UQCC1: variants seen among roughly 807,000 people sequenced by gnomAD.
UQCC1 encodes the protein bFGF-repressed Zic-binding protein.
Under a neutral mutation model 48.0 loss-of-function variants are expected in UQCC1, and 38 were observed. The observed-to-expected ratio is 0.79, with a 90% CI of 0.61 to 1.04. The LOEUF is 1.04. Ranked by LOEUF, UQCC1 falls within the 50% of genes least tolerant of loss-of-function variation. The probability of loss-of-function intolerance (pLI) is 0.00; values close to 1 mark genes in which losing one functional copy is unlikely to be tolerated. For synonymous variants in UQCC1, 111 were observed against 129.2 expected, an observed-to-expected ratio of 0.86 and a Z score of 0.95; for missense variants, 368 against 381.8, an observed-to-expected ratio of 0.96 and a Z score of 0.30.
intron 1 of UQCC1, among the ~76,000 whole-genome samples, chr20:35,403,313 A>C (rs1258403080): frequency 6.6e-6 from 1 of 152,208 alleles, no homozygotes; most frequent in African/African-American, 2.4e-5. Flanking sequence ...TAATATATAA[A>C]GAAAAAGATA....
chr20:35,402,570 T>G (rs1300263716), intron 1 of UQCC1, among the ~76,000 whole-genome samples: 1 of 139,634 alleles, frequency 7.2e-6, no homozygotes, highest in Non-Finnish European at 1.5e-5. Flanking sequence ...AGAGCGAGAC[T>G]CCATCTCAAA....
intron 7 of UQCC1, among the ~76,000 whole-genome samples, chr20:35,323,980 C>T (rs1467784066): frequency 6.6e-6 from 1 of 152,206 alleles, no homozygotes; most frequent in African/African-American, 2.4e-5. Flanking sequence ...CTTGGCAGGG[C>T]ACAGTGGCTC....
intron 4 of UQCC1, among the ~76,000 whole-genome samples, chr20:35,381,226 C>T (rs1271695668): frequency 1.3e-5 from 2 of 152,018 alleles, no homozygotes; most frequent in African/African-American, 4.8e-5. Flanking sequence ...TACAATAGAT[C>T]GTGGGCTTAA....
At chr20:35,321,142 C>T (rs1315458665) in intron 7 of UQCC1, among the ~76,000 whole-genome samples, 4 of 152,070 alleles carry the variant, frequency 2.6e-5, no homozygotes, top group Non-Finnish European at 4.4e-5. Context: ...ACAAGAGAGA[C>T]GGGGGACATG....
At chr20:35,337,586 C>A (rs1032062638) in intron 7 of UQCC1, among the ~76,000 whole-genome samples, 1 of 152,184 alleles carries the variant, frequency 6.6e-6, no homozygotes, top group African/African-American at 2.4e-5. Flanking sequence ...GGGTTCCTTT[C>A]CAGTTTAAAC....
At chr20:35,338,587 C>T (rs1432862956) in intron 7 of UQCC1, among the ~76,000 whole-genome samples, 1 of 151,794 alleles carries the variant, frequency 6.6e-6, no homozygotes, top group Non-Finnish European at 1.5e-5. Flanking sequence ...GGGCTCATGC[C>T]TGTAATCCCA....
intron 6 of UQCC1, among the ~76,000 whole-genome samples, chr20:35,349,253 G>C (rs1179555991): frequency 6.6e-6 from 1 of 152,218 alleles, no homozygotes; most frequent in Non-Finnish European, 1.5e-5. Context: ...TGTGCCAGAT[G>C]ATCCAACCAT....
chr20:35,355,178 T>C (rs1031087889), intron 6 of UQCC1, among the ~76,000 whole-genome samples: 5 of 152,128 alleles, frequency 3.3e-5, no homozygotes, highest in Non-Finnish European at 5.9e-5. Flanking sequence ...AATTGTTATT[T>C]TTCTCCTCAT....
chr20:35,359,555 C>T (rs2061583351), intron 6 of UQCC1, among the ~76,000 whole-genome samples: 1 of 152,176 alleles, frequency 6.6e-6, no homozygotes, highest in Non-Finnish European at 1.5e-5. Context: ...CATCCTGTCT[C>T]GCTCACTCTG....
At chr20:35,311,282 T>C (rs2060990870) in intron 8 of UQCC1, among the ~76,000 whole-genome samples, 1 of 152,300 alleles carries the variant, frequency 6.6e-6, no homozygotes, top group Non-Finnish European at 1.5e-5. Context: ...TTGGACCTAA[T>C]GTCACAGAAA....
At chr20:35,365,778 A>G (rs1451283394) in intron 6 of UQCC1, among the ~76,000 whole-genome samples, 1 of 152,192 alleles carries the variant, frequency 6.6e-6, no homozygotes, top group Non-Finnish European at 1.5e-5. Context: ...AAAAGTATAT[A>G]GTAGTCAGTT....
intron 6 of UQCC1, among the ~76,000 whole-genome samples, chr20:35,362,736 T>A (rs2061620485): frequency 6.6e-6 from 1 of 151,856 alleles, no homozygotes; most frequent in African/African-American, 2.4e-5. Context: ...GTGTGTCTGT[T>A]TGTGTACTGA....
At chr20:35,390,939 T>C (rs917276994) in intron 2 of UQCC1, among the ~76,000 whole-genome samples, 5 of 152,178 alleles carry the variant, frequency 3.3e-5, no homozygotes, top group African/African-American at 9.7e-5. Flanking sequence ...CTCACACCTA[T>C]AATCCCAGCA....
intron 6 of UQCC1, among the ~76,000 whole-genome samples, chr20:35,356,203 C>T (rs916323543): frequency 3.9e-5 from 6 of 152,138 alleles, no homozygotes; most frequent in Non-Finnish European, 8.8e-5. Context: ...TACTATTATT[C>T]TCAGACATTA....
intron 6 of UQCC1, among the ~76,000 whole-genome samples, chr20:35,348,363 T>C (rs1471943957): frequency 2.1e-5 from 3 of 140,104 alleles, no homozygotes; most frequent in Non-Finnish European, 3.1e-5. Flanking sequence ...ATGACCATAG[T>C]TCATTCTTTT....
chr20:35,338,912 GAGAT>G (rs2061347946), intron 7 of UQCC1, among the ~76,000 whole-genome samples: 1 of 46,330 alleles, frequency 2.2e-5, no homozygotes, highest in Non-Finnish European at 3.4e-5. Flanking sequence ...TATATATGGA[GAGAT>G]TTTTCAAAAT....
In UQCC1 at chr20:35,340,221, G is replaced by A. The variant is rs917810412; in HGVS notation, c.573+6943C>T. On this transcript the variant is annotated intron_variant, in intron 7 of 9. Coordinates refer to ENST00000374385, the MANE Select transcript of UQCC1 (RefSeq NM_018244.5). ...AAACTGCCTGAGGCACCTACTCCTC[G>A]AACTCTTGCTACCTCTTAAGGCCTA... Among the ~76,000 whole-genome samples the A allele has an allele frequency of 2.0e-4, 30 of 152,222 alleles. 1 individual carries two copies. The highest frequency in any genetic ancestry group is 7.0e-4 in the African/African-American group (29 of 41,540).
At chr20:35,411,699 A>G (rs916447172) in intron 1 of UQCC1, among the ~76,000 whole-genome samples, 4 of 152,060 alleles carry the variant, frequency 2.6e-5, no homozygotes, top group Non-Finnish European at 5.9e-5. Flanking sequence ...GGAAAAGTAA[A>G]CCCCATCAAA....
chr20:35,387,043 G>A (rs368639244), intron 2 of UQCC1, among the ~76,000 whole-genome samples: 3 of 151,972 alleles, frequency 2.0e-5, no homozygotes, highest in African/African-American at 7.2e-5. Context: ...TTGGGAGGCC[G>A]AGGCGGGAGG....
Sources: allele counts gnomAD v4.1 joint callset (sites outside exome capture counted in the v4.1 genomes callset), GRCh38; gene constraint gnomAD v4.1.1; transcripts MANE v1.5; gene names NCBI Gene and HGNC (gene_info 2026-07-23, HGNC 2026-07-21).